RAB38: variants seen among roughly 807,000 people sequenced by gnomAD.
RAB38 encodes ras-related protein Rab-38.
In RAB38, 15 loss-of-function variants were observed where a neutral mutation model predicts 18.4. The observed-to-expected ratio is 0.82, with a 90% CI of 0.55 to 1.26. RAB38 has a LOEUF of 1.26. Among genes scored for constraint, RAB38 ranks in the 50% most tolerant of loss-of-function variants. The pLI, the probability that RAB38 is intolerant of heterozygous loss-of-function variation, is 0.00. For missense variants in RAB38, 294 were observed against 267.4 expected (o/e 1.10, Z -0.69); for synonymous variants, 101 against 104.4 (o/e 0.97, Z 0.20).
intron 2 of RAB38, among the ~76,000 whole-genome samples, chr11:88,141,125 T>C (rs1942907008): frequency 6.6e-6 from 1 of 152,120 alleles, no homozygotes; most frequent in African/African-American, 2.4e-5. Context: ...AAGTATTCTT[T>C]TTTCTCAGAT....
the RAB38 span, among the ~76,000 whole-genome samples, chr11:88,029,719 G>C: frequency 2.2e-4 from 34 of 152,134 alleles, 1 homozygote; most frequent in East Asian, 5.8e-4. Context: ...GGAGCACCCA[G>C]ATTCATAAAG....
At chr11:88,009,461 G>T in the RAB38 span, among the ~76,000 whole-genome samples, 1 of 152,172 alleles carries the variant, frequency 6.6e-6, no homozygotes, top group Non-Finnish European at 1.5e-5. Flanking sequence ...GGATTCTGGG[G>T]AGAAGTTTCA....
chr11:87,976,644 T>C, the RAB38 span, among the ~76,000 whole-genome samples: 3 of 112,882 alleles, frequency 2.7e-5, no homozygotes, highest in African/African-American at 3.5e-5. Flanking sequence ...TGATTTTATA[T>C]GATATATAAA....
chr11:87,929,819 A>AT, the RAB38 span, among the ~76,000 whole-genome samples: 11 of 143,446 alleles, frequency 7.7e-5, no homozygotes, highest in Admixed American at 3.0e-4. Flanking sequence ...GCGGTGTTTG[A>AT]TTTTTTGTCC....
At chr11:88,097,716 A>G in the RAB38 span, among the ~76,000 whole-genome samples, 2 of 151,832 alleles carry the variant, frequency 1.3e-5, no homozygotes, top group Non-Finnish European at 2.9e-5. Context: ...TACCTCCTCC[A>G]AGTATTATGA....
the RAB38 span, among the ~76,000 whole-genome samples, chr11:87,917,039 G>T: frequency 6.6e-6 from 1 of 152,150 alleles, no homozygotes; most frequent in South Asian, 2.1e-4. Flanking sequence ...TATTTAACCA[G>T]TGGCAGGGAA....
At chr11:88,074,643 GA>G in the RAB38 span, among the ~76,000 whole-genome samples, 7 of 152,154 alleles carry the variant, frequency 4.6e-5, no homozygotes, top group Non-Finnish European at 1.0e-4. Flanking sequence ...GGAAGGAAGG[GA>G]GAGAAGAGTT....
the RAB38 span, among the ~76,000 whole-genome samples, chr11:87,871,431 A>G: frequency 7.9e-4 from 120 of 151,770 alleles, no homozygotes; most frequent in African/African-American, 2.7e-3. Flanking sequence ...TTGACCCAGA[A>G]GTTTGTGGTG....
At chr11:88,131,570 T>C (rs1248159792) in intron 2 of RAB38, among the ~76,000 whole-genome samples, 1 of 152,224 alleles carries the variant, frequency 6.6e-6, no homozygotes, top group East Asian at 1.9e-4. Context: ...TGAACTTTAA[T>C]CTATGGCCAT....
intron 2 of RAB38, among the ~76,000 whole-genome samples, chr11:88,141,677 A>G (rs1178261272): frequency 6.6e-6 from 1 of 152,164 alleles, no homozygotes; most frequent in African/African-American, 2.4e-5. Context: ...ACATGGTTTG[A>G]CATACCGCAA....
At chr11:87,961,656 G>C in the RAB38 span, among the ~76,000 whole-genome samples, 2 of 152,138 alleles carry the variant, frequency 1.3e-5, no homozygotes, top group Non-Finnish European at 2.9e-5. Context: ...AAAGAGGAAT[G>C]GTTCTGTACC....
chr11:87,893,390 A>ATATATATATATATATATATATATATATT, the RAB38 span, among the ~76,000 whole-genome samples: 14 of 93,888 alleles, frequency 1.5e-4, no homozygotes, highest in Admixed American at 7.3e-4. Context: ...ATATATATAT[A>ATATATATATATATATATATATATATATT]TTTTTTTTTT....
At chr11:88,022,903 G>A in the RAB38 span, among the ~76,000 whole-genome samples, 1 of 152,096 alleles carries the variant, frequency 6.6e-6, no homozygotes, top group African/African-American at 2.4e-5. Flanking sequence ...GGGGGGAACA[G>A]AAAAACAAAT....
At chr11:87,813,320 TAAAG>T in the RAB38 span, among the ~76,000 whole-genome samples, 1 of 152,174 alleles carries the variant, frequency 6.6e-6, no homozygotes. Flanking sequence ...AGTGTGTTGA[TAAAG>T]AACTGTTCCA....
intron 1 of RAB38, among the ~76,000 whole-genome samples, chr11:88,172,771 G>C (rs1181424564): frequency 2.4e-4 from 36 of 152,208 alleles, no homozygotes; most frequent in Non-Finnish European, 7.3e-5. Context: ...CTTAAACCAT[G>C]AAACATGGAG....
At chr11:88,142,418 T>C (rs1049040889) in intron 2 of RAB38, among the ~76,000 whole-genome samples, 1 of 152,242 alleles carries the variant, frequency 6.6e-6, no homozygotes, top group Non-Finnish European at 1.5e-5. Context: ...GTTGCACACA[T>C]AATTTCAAGA....
At chr11:87,929,519 G>C in the RAB38 span, among the ~76,000 whole-genome samples, 1 of 150,654 alleles carries the variant, frequency 6.6e-6, no homozygotes, top group African/African-American at 2.4e-5. Flanking sequence ...AATTATTTTA[G>C]CTACAGTTTA....
At chr11:87,886,868 T>C in the RAB38 span, among the ~76,000 whole-genome samples, 1 of 151,010 alleles carries the variant, frequency 6.6e-6, no homozygotes, top group Non-Finnish European at 1.5e-5. Flanking sequence ...GCCCATCTTC[T>C]GATACATCAC....
rs1162293383 is a variant in RAB38 at position 88,113,426 on chromosome 11, C to G, written c.*562G>C. 1 of 153,558 alleles carries G rather than the reference C, an allele frequency of 6.5e-6. No individual in the cohort carries two copies. The highest frequency in any genetic ancestry group is 2.4e-5 in the African/African-American group (1 of 41,434). 9.5% of individuals were successfully genotyped at this position (153,558 alleles called of 1,614,324 possible). Reference sequence around the variant, plus strand: ...ATATTCAGTTAAGCCAACATTCAGGCCATGGCAAGTGACAGTTAGGACAAG... The same window carrying G: ...ATATTCAGTTAAGCCAACATTCAGGGCATGGCAAGTGACAGTTAGGACAAG... On this transcript the variant is annotated 3_prime_UTR_variant, in exon 3 of 3. Transcript: ENST00000243662.
Sources: gnomAD v4.1 joint callset for allele counts (sites outside exome capture counted in the v4.1 genomes callset) on GRCh38, gnomAD v4.1.1 for gene constraint, MANE v1.5 for transcripts, NCBI Gene and HGNC (gene_info 2026-07-23, HGNC 2026-07-21) for gene names.